The following AGBL4 variants were observed in gnomAD, a reference collection of about 807,000 sequenced individuals.
AGBL4 encodes the protein cytosolic carboxypeptidase 6.
Under a neutral mutation model 66.4 loss-of-function variants are expected in AGBL4, and 58 were observed. The ratio of observed to expected loss-of-function variants is 0.87; its 90% confidence interval spans 0.71 to 1.09. The LOEUF (loss-of-function observed/expected upper bound fraction) is 1.09. AGBL4 is among the 50% of genes least tolerant of loss of function. The pLI is 0.00. For missense variants in AGBL4, 579 were observed against 631.0 expected (o/e 0.92, Z 0.88); for synonymous variants, 234 against 222.9 (o/e 1.05, Z -0.44).
At chr1:49,404,996 C>G (rs1381354212) in intron 3 of AGBL4, among the ~76,000 whole-genome samples, 1 of 152,202 alleles carries the variant, frequency 6.6e-6, no homozygotes, top group Non-Finnish European at 1.5e-5. Context: ...TGACTGAATG[C>G]ACTATTTATC....
In AGBL4 at chr1:49,487,315, C is replaced by A. The variant is rs563411952; in HGVS notation, c.282+209998G>T. 2.0e-5 allele frequency among the ~76,000 whole-genome samples: 3 copies of A among 151,994 alleles called. No individual in the cohort carries two copies. In the South Asian group the frequency reaches 6.2e-4, roughly 32 times the overall value. On this transcript the variant is annotated intron_variant, in intron 3 of 13. Coordinates refer to ENST00000371839, the MANE Select transcript of AGBL4 (RefSeq NM_032785.4). ...TCTACAGGCACTATCTTATTTTATC[C>A]TCATGACAACTATATGAGGTAGGTG...
intron 3 of AGBL4, among the ~76,000 whole-genome samples, chr1:49,430,591 G>A (rs1645764180): frequency 6.6e-6 from 1 of 152,176 alleles, no homozygotes; most frequent in African/African-American, 2.4e-5. Context: ...AAAGAGCAGA[G>A]TTAGAATATG....
At chr1:49,754,789 T>A (rs561770164) in intron 2 of AGBL4, among the ~76,000 whole-genome samples, 4 of 152,296 alleles carry the variant, frequency 2.6e-5, no homozygotes, top group Admixed American at 2.6e-4. Context: ...AGCTTGCCCA[T>A]GGATTTATTT....
At chr1:48,578,330 T>C (rs1176950541) in intron 11 of AGBL4, among the ~76,000 whole-genome samples, 1 of 152,174 alleles carries the variant, frequency 6.6e-6, no homozygotes, top group African/African-American at 2.4e-5. Flanking sequence ...TTCAGCCAGA[T>C]AGTCAATCAG....
intron 6 of AGBL4, among the ~76,000 whole-genome samples, chr1:48,777,626 G>T (rs1315686354): frequency 6.6e-6 from 1 of 152,168 alleles, no homozygotes; most frequent in Admixed American, 6.5e-5. Flanking sequence ...GCTTATCTGA[G>T]ATTTCCAGTT....
intron 11 of AGBL4, among the ~76,000 whole-genome samples, chr1:48,548,374 C>T (rs144681799): frequency 6.3e-4 from 96 of 152,246 alleles, no homozygotes; most frequent in Non-Finnish European, 1.1e-3. Context: ...AAACACAGCC[C>T]TGACCAGTCA....
intron 3 of AGBL4, among the ~76,000 whole-genome samples, chr1:49,370,514 T>C (rs1008484626): frequency 2.6e-5 from 4 of 152,178 alleles, no homozygotes; most frequent in Non-Finnish European, 5.9e-5. Context: ...GGCAACCTCC[T>C]TTACTTAAAG....
At chr1:49,565,067 T>G (rs965867836) in intron 3 of AGBL4, among the ~76,000 whole-genome samples, 3 of 152,246 alleles carry the variant, frequency 2.0e-5, no homozygotes, top group Non-Finnish European at 4.4e-5. Context: ...TGTAATGTCT[T>G]CTTTGTCTCT....
intron 3 of AGBL4, among the ~76,000 whole-genome samples, chr1:49,275,896 G>C (rs1644157985): frequency 6.6e-6 from 1 of 151,994 alleles, no homozygotes; most frequent in Non-Finnish European, 1.5e-5. Context: ...TGTATTACCA[G>C]TCATTATACC....
chr1:49,204,051 A>G (rs1437181124), intron 4 of AGBL4, among the ~76,000 whole-genome samples: 1 of 152,134 alleles, frequency 6.6e-6, no homozygotes, highest in African/African-American at 2.4e-5. Context: ...CAGGGCCCTC[A>G]GGGCAGAAAG....
chr1:48,530,552 T>G (rs547705044), downstream of AGBL4, among the ~76,000 whole-genome samples: 1 of 152,172 alleles, frequency 6.6e-6, no homozygotes, highest in Non-Finnish European at 1.5e-5. Context: ...AAAAAGCTTC[T>G]AGACAAAGGC....
chr1:49,186,380 T>C (rs72684809), intron 4 of AGBL4, among the ~76,000 whole-genome samples: 37 of 152,308 alleles, frequency 2.4e-4, no homozygotes, highest in Middle Eastern at 3.4e-3. Context: ...TATGAACTTT[T>C]AGTAGTCATA....
intron 3 of AGBL4, among the ~76,000 whole-genome samples, chr1:49,659,718 A>T (rs1004731631): frequency 1.3e-5 from 2 of 152,176 alleles, no homozygotes; most frequent in Admixed American, 6.5e-5. Context: ...ATTGAGACAG[A>T]AAATTAACAA....
At chr1:49,420,510 CA>C (rs1208165309) in intron 3 of AGBL4, among the ~76,000 whole-genome samples, 1 of 152,066 alleles carries the variant, frequency 6.6e-6, no homozygotes, top group Non-Finnish European at 1.5e-5. Context: ...ACCATCCTGG[CA>C]AACACGGTGA....
intron 3 of AGBL4, among the ~76,000 whole-genome samples, chr1:49,524,493 T>G (rs1282473810): frequency 6.6e-6 from 1 of 152,118 alleles, no homozygotes; most frequent in African/African-American, 2.4e-5. Context: ...CCTGGGCATC[T>G]AAAAGCCTGG....
intron 4 of AGBL4, among the ~76,000 whole-genome samples, chr1:49,226,698 TAA>T (rs1411761341): frequency 2.0e-5 from 3 of 152,158 alleles, no homozygotes; most frequent in Non-Finnish European, 4.4e-5. Context: ...AACAAACAAC[TAA>T]GAGTCTTCCC....
intron 4 of AGBL4, among the ~76,000 whole-genome samples, chr1:49,226,592 A>G (rs1649929164): frequency 6.6e-6 from 1 of 152,096 alleles, no homozygotes; most frequent in Admixed American, 6.5e-5. Flanking sequence ...AAAAATGGAC[A>G]AATTTCTTTC....
chr1:49,565,372 T>A (rs1190380444), intron 3 of AGBL4, among the ~76,000 whole-genome samples: 1 of 152,292 alleles, frequency 6.6e-6, no homozygotes, highest in Non-Finnish European at 1.5e-5. Flanking sequence ...ATTTTGCTCG[T>A]TAGTTGATGT....
chr1:49,815,716 C>T (rs368163203), intron 2 of AGBL4, among the ~76,000 whole-genome samples: 3 of 152,052 alleles, frequency 2.0e-5, no homozygotes, highest in African/African-American at 7.2e-5. Flanking sequence ...TTTTAACTAG[C>T]GTGAGATGCT....
Sources: gnomAD v4.1 joint callset for allele counts (sites outside exome capture counted in the v4.1 genomes callset) on GRCh38, gnomAD v4.1.1 for gene constraint, MANE v1.5 for transcripts, NCBI Gene and HGNC (gene_info 2026-07-23, HGNC 2026-07-21) for gene names.